The following AFF1 variants were observed in gnomAD, a reference collection of about 807,000 sequenced individuals.
AFF1 encodes the protein AF4/FMR2 family member 1.
In AFF1, 48 loss-of-function variants were observed where a neutral mutation model predicts 121.7. The observed-to-expected ratio is 0.39, with a 90% CI of 0.31 to 0.50. The LOEUF is 0.50. Among genes scored for constraint, AFF1 ranks in the 20% least tolerant of loss-of-function variants. AFF1 has a pLI of 0.76. For synonymous variants in AFF1, 613 were observed against 563.0 expected (o/e 1.09, Z -1.26); for missense variants, 1,523 against 1,511.7 (o/e 1.01, Z -0.12).
intron 8 of AFF1, among the ~76,000 whole-genome samples, chr4:87,098,435 G>A (rs1415148543): frequency 6.6e-6 from 1 of 152,122 alleles, no homozygotes; most frequent in African/African-American, 2.4e-5. Context: ...GAAGTGCTGA[G>A]GACAAAGTAT....
At chr4:87,084,798 TTAAG>T (rs1190753909) in intron 5 of AFF1, among the ~76,000 whole-genome samples, 3 of 152,144 alleles carry the variant, frequency 2.0e-5, no homozygotes, top group Non-Finnish European at 4.4e-5. Context: ...GCATCTCTCG[TTAAG>T]TTTTTCTGGT....
chr4:87,135,567 G>T lies in AFF1; in HGVS notation c.3536-13G>T, dbSNP rs184833258. 1.6e-5 allele frequency: 24 copies of T among 1,527,118 alleles called. No homozygotes were observed. The highest frequency in any genetic ancestry group is 4.6e-5 in the East Asian group (2 of 43,088). 94.6% of individuals were successfully genotyped at this position (1,527,118 alleles called of 1,614,324 possible). ...TATTTACTTGTTTTTGTTTTGTTTT[G>T]TTTTTTTTGCAGAATTCTTTGCTCG... On this transcript the variant is annotated splice_polypyrimidine_tract_variant and intron_variant, in intron 20 of 20. Coordinates refer to ENST00000395146, the MANE Select transcript of AFF1 (RefSeq NM_001166693.3).
At chr4:86,945,876 A>C (rs1720824154) in intron 1 of AFF1, among the ~76,000 whole-genome samples, 1 of 152,192 alleles carries the variant, frequency 6.6e-6, no homozygotes. Flanking sequence ...TGGCCTCTTC[A>C]CCAAAGCTCT....
At chr4:86,986,220 T>C (rs1320536865) in intron 2 of AFF1, among the ~76,000 whole-genome samples, 1 of 151,940 alleles carries the variant, frequency 6.6e-6, no homozygotes, top group Non-Finnish European at 1.5e-5. Flanking sequence ...TACAGGTGCC[T>C]GCCACCACGC....
intron 2 of AFF1, among the ~76,000 whole-genome samples, chr4:86,973,438 C>G (rs1560510612): frequency 6.6e-6 from 1 of 152,132 alleles, no homozygotes; most frequent in Admixed American, 6.5e-5. Flanking sequence ...TCAATTCTGC[C>G]TCAGTTGGTC....
intron 2 of AFF1, among the ~76,000 whole-genome samples, chr4:86,993,501 T>C (rs6824639): frequency 0.039 from 5,912 of 152,252 alleles, 195 homozygotes; most frequent in African/African-American, 0.092. Flanking sequence ...CCATAACTCA[T>C]AGATGACTAT....
intron 2 of AFF1, among the ~76,000 whole-genome samples, chr4:86,988,535 TAAGAG>T (rs757651347): frequency 3.9e-5 from 6 of 152,062 alleles, no homozygotes; most frequent in Non-Finnish European, 4.4e-5. Flanking sequence ...CTCAAGGAAA[TAAGAG>T]AGGACACAAA....
intron 6 of AFF1, among the ~76,000 whole-genome samples, chr4:87,090,789 G>T (rs1035803452): frequency 1.3e-5 from 2 of 152,004 alleles, no homozygotes; most frequent in Admixed American, 6.6e-5. Flanking sequence ...CGAGGTGGGT[G>T]GATCACTTGA....
chr4:87,111,708 C>T (rs1386570000), intron 11 of AFF1, among the ~76,000 whole-genome samples: 3 of 152,094 alleles, frequency 2.0e-5, no homozygotes, highest in African/African-American at 7.2e-5. Context: ...TCACAACACC[C>T]AAATAATGTA....
At chr4:86,977,468 A>AG (rs1161675928) in intron 2 of AFF1, among the ~76,000 whole-genome samples, 1 of 152,144 alleles carries the variant, frequency 6.6e-6, no homozygotes, top group African/African-American at 2.4e-5. Flanking sequence ...ACTGCAGATA[A>AG]GGGGGGCTTC....
intron 4 of AFF1, among the ~76,000 whole-genome samples, chr4:87,055,759 A>G (rs1279625028): frequency 6.6e-6 from 1 of 152,148 alleles, no homozygotes; most frequent in African/African-American, 2.4e-5. Flanking sequence ...GGTGGGGGTG[A>G]CCAACACTCA....
rs182944343 is a variant in AFF1 at position 87,035,873 on chromosome 4, A to G, written c.39-10293A>G. ...TTTAAGCTTGCTTGTCTACATTCTT[A>G]GTTTGTAACTGTAGGATTTTTAATT... On this transcript the variant is annotated intron_variant, in intron 2 of 20. Transcript: ENST00000395146. 2.0e-5 allele frequency among the ~76,000 whole-genome samples: 3 copies of G among 152,234 alleles called. No homozygotes were observed. In the South Asian group the frequency reaches 6.2e-4, roughly 31 times the overall value.
chr4:87,001,418 G>A (rs866804283), intron 2 of AFF1, among the ~76,000 whole-genome samples: 3 of 151,838 alleles, frequency 2.0e-5, no homozygotes, highest in African/African-American at 7.2e-5. Flanking sequence ...GGGTTTCACC[G>A]TGTTAGCCAG....
chr4:86,937,789 G>A (rs752603587), intron 1 of AFF1, among the ~76,000 whole-genome samples: 1 of 70,814 alleles, frequency 1.4e-5, no homozygotes, highest in African/African-American at 4.0e-5. Context: ...GGGTGGGGGT[G>A]GGGGTGGGGG....
At chr4:87,039,439 C>T (rs766593239) in intron 2 of AFF1, among the ~76,000 whole-genome samples, 8 of 152,198 alleles carry the variant, frequency 5.3e-5, no homozygotes, top group Non-Finnish European at 7.3e-5. Context: ...CATTCTGGCA[C>T]GTTTTAGCTT....
intron 20 of AFF1, 30 bp downstream of exon 20, chr4:87,134,724 C>T: frequency 6.4e-7 from 1 of 1,557,782 alleles, no homozygotes. Flanking sequence ...GTGGTAATTA[C>T]TGGGGTGTTT....
chr4:87,101,401 C>T (rs1312615911), intron 8 of AFF1, among the ~76,000 whole-genome samples: 3 of 152,026 alleles, frequency 2.0e-5, no homozygotes, highest in African/African-American at 7.3e-5. Context: ...AGTAAGACCT[C>T]GTCTCTACAA....
intron 2 of AFF1, among the ~76,000 whole-genome samples, chr4:86,975,237 C>T (rs1723219554): frequency 6.6e-6 from 1 of 151,954 alleles, no homozygotes; most frequent in Non-Finnish European, 1.5e-5. Flanking sequence ...ATTTATCCCA[C>T]CTTAACCTCT....
At chr4:87,033,168 T>C (rs1444525899) in intron 2 of AFF1, among the ~76,000 whole-genome samples, 4 of 152,224 alleles carry the variant, frequency 2.6e-5, no homozygotes, top group Admixed American at 2.0e-4. Flanking sequence ...TAAATGTTTT[T>C]TCTTTAGAGA....
Sources: gnomAD v4.1 joint callset for allele counts (sites outside exome capture counted in the v4.1 genomes callset) on GRCh38, gnomAD v4.1.1 for gene constraint, MANE v1.5 for transcripts, NCBI Gene and HGNC (gene_info 2026-07-23, HGNC 2026-07-21) for gene names.